Variants in SLC35F4 observed in about 807,000 individuals in gnomAD.
SLC35F4 encodes the protein solute carrier family 35 member F4, also known as chromosome 14 open reading frame 36.
A neutral mutation model predicts 44.2 loss-of-function variants in SLC35F4; 24 were observed. The observed-to-expected ratio is 0.54, with a 90% CI of 0.39 to 0.76. The LOEUF is 0.76. Ranked by LOEUF, SLC35F4 falls within the 30% of genes least tolerant of loss-of-function variation. The pLI, the probability that SLC35F4 is intolerant of heterozygous loss-of-function variation, is 0.00. For synonymous variants in SLC35F4, 238 were observed against 223.6 expected (o/e 1.06, Z -0.57); for missense variants, 562 against 586.1 (o/e 0.96, Z 0.42).
intron 1 of SLC35F4, among the ~76,000 whole-genome samples, chr14:57,979,951 A>G (rs1028459): frequency 0.46 from 70,611 of 152,094 alleles, 17,785 homozygotes; most frequent in African/African-American, 0.69. Flanking sequence ...GCTTTTTCCA[A>G]AAAGTTGGCT....
chr14:57,614,178 CATAAAAT>C (rs1032449836), intron 1 of SLC35F4, among the ~76,000 whole-genome samples: 1 of 151,848 alleles, frequency 6.6e-6, no homozygotes, highest in Non-Finnish European at 1.5e-5. Context: ...TGGGGAAACA[CATAAAAT>C]AAAATCAGTC....
At chr14:57,672,072 A>C (rs955863739) in intron 1 of SLC35F4, among the ~76,000 whole-genome samples, 6 of 152,130 alleles carry the variant, frequency 3.9e-5, no homozygotes, top group Admixed American at 1.3e-4. Context: ...GGCTTCAGAC[A>C]TGTGGAGTTT....
chr14:57,865,836 G>A lies in SLC35F4; in HGVS notation c.-11C>T. On this transcript the variant is annotated 5_prime_UTR_variant, in exon 1 of 8. Coordinates refer to ENST00000556826, the MANE Select transcript of SLC35F4 (RefSeq NM_001306087.2). The stretch of plus-strand genomic sequence containing the variant: ...CGCCTTGACATCCATAGAGAGCGCG[G>A]GGCGACGGCCCCGAGTGCGGCGGGG... 1 of 1,497,568 alleles carries A rather than the reference G, an allele frequency of 6.7e-7. No individual in the cohort carries two copies. Among genetic ancestry groups the A allele is most frequent in the South Asian group, 1.3e-5 (1 of 79,868 alleles). 92.8% of individuals were successfully genotyped at this position (1,497,568 alleles called of 1,614,324 possible).
At chr14:57,930,472 T>C (rs758258324) in intron 1 of SLC35F4, among the ~76,000 whole-genome samples, 11 of 152,150 alleles carry the variant, frequency 7.2e-5, no homozygotes, top group South Asian at 2.1e-4. Context: ...CCAGGCATCA[T>C]CCAGATTTTT....
intron 1 of SLC35F4, among the ~76,000 whole-genome samples, chr14:57,857,303 A>G (rs552928354): frequency 2.6e-5 from 4 of 152,008 alleles, no homozygotes; most frequent in African/African-American, 9.7e-5. Flanking sequence ...CTTTTCCCCC[A>G]TTGAAGCACA....
chr14:57,846,691 C>T (rs1480699571), intron 1 of SLC35F4, among the ~76,000 whole-genome samples: 2 of 152,144 alleles, frequency 1.3e-5, no homozygotes, highest in Non-Finnish European at 2.9e-5. Context: ...ATTAATATGG[C>T]TGATGGGAAA....
intron 1 of SLC35F4, among the ~76,000 whole-genome samples, chr14:57,637,149 G>T (rs901482909): frequency 1.3e-5 from 2 of 152,090 alleles, no homozygotes; most frequent in Non-Finnish European, 2.9e-5. Flanking sequence ...GGAAACCAAG[G>T]CTTAGAGTGG....
chr14:57,664,931 A>T (rs1014732513), intron 1 of SLC35F4, among the ~76,000 whole-genome samples: 5 of 152,126 alleles, frequency 3.3e-5, no homozygotes, highest in Non-Finnish European at 5.9e-5. Context: ...ATGAGAGTAA[A>T]AAGTGACTTT....
chr14:57,605,682 A>G (rs1011029932), intron 1 of SLC35F4, among the ~76,000 whole-genome samples: 8 of 152,152 alleles, frequency 5.3e-5, no homozygotes, highest in African/African-American at 1.9e-4. Context: ...ACTATTTACA[A>G]TTGTAAAGAC....
At chr14:57,761,780 A>G (rs552550838) in intron 1 of SLC35F4, among the ~76,000 whole-genome samples, 1 of 152,294 alleles carries the variant, frequency 6.6e-6, no homozygotes, top group African/African-American at 2.4e-5. Flanking sequence ...GAAGGGAACT[A>G]TTTTAGCAGG....
intron 1 of SLC35F4, among the ~76,000 whole-genome samples, chr14:57,815,268 C>T (rs1024692343): frequency 9.9e-5 from 15 of 152,182 alleles, no homozygotes; most frequent in Admixed American, 5.9e-4. Context: ...GCTAAGACAT[C>T]TCAAATTAAT....
intron 1 of SLC35F4, among the ~76,000 whole-genome samples, chr14:57,944,768 A>C (rs1028476622): frequency 6.6e-6 from 1 of 151,712 alleles, no homozygotes; most frequent in Non-Finnish European, 1.5e-5. Context: ...GGAAGAAAGA[A>C]AAGAAAAGAA....
chr14:57,651,997 C>T (rs1177495513), intron 1 of SLC35F4, among the ~76,000 whole-genome samples: 1 of 152,078 alleles, frequency 6.6e-6, no homozygotes, highest in African/African-American at 2.4e-5. Flanking sequence ...AGGACTGACC[C>T]ACTGGATCAT....
chr14:57,893,801 C>T (rs1481776045), intron 1 of SLC35F4, among the ~76,000 whole-genome samples: 1 of 151,044 alleles, frequency 6.6e-6, no homozygotes, highest in African/African-American at 2.4e-5. Context: ...CTAACAGGAC[C>T]CTTCTCTCCA....
intron 1 of SLC35F4, among the ~76,000 whole-genome samples, chr14:57,689,766 T>A (rs2075173199): frequency 6.6e-6 from 1 of 150,708 alleles, no homozygotes; most frequent in South Asian, 2.1e-4. Context: ...AGGGATAGCA[T>A]TAGGAGATAT....
At chr14:57,960,968 T>C (rs1218099508) in intron 1 of SLC35F4, among the ~76,000 whole-genome samples, 3 of 152,054 alleles carry the variant, frequency 2.0e-5, no homozygotes, top group South Asian at 4.1e-4. Flanking sequence ...CCTGAACACA[T>C]GTGAAGAGTG....
intron 1 of SLC35F4, among the ~76,000 whole-genome samples, chr14:57,772,861 G>C (rs2077401032): frequency 6.6e-6 from 1 of 152,058 alleles, no homozygotes; most frequent in African/African-American, 2.4e-5. Flanking sequence ...TTTTCCCTTA[G>C]GTAGATAACC....
At chr14:57,707,650 T>C (rs1566782844) in intron 1 of SLC35F4, among the ~76,000 whole-genome samples, 2 of 152,138 alleles carry the variant, frequency 1.3e-5, no homozygotes, top group African/African-American at 2.4e-5. Flanking sequence ...TAGTGGGACA[T>C]TGGTAGAAGA....
At chr14:57,828,199 C>G (rs1315141789) in intron 1 of SLC35F4, among the ~76,000 whole-genome samples, 3 of 152,062 alleles carry the variant, frequency 2.0e-5, no homozygotes, top group Admixed American at 6.6e-5. Flanking sequence ...TTTATTTAAA[C>G]AAAAAAACCA....
Sources: allele counts gnomAD v4.1 joint callset (sites outside exome capture counted in the v4.1 genomes callset), GRCh38; gene constraint gnomAD v4.1.1; transcripts MANE v1.5; gene names NCBI Gene and HGNC (gene_info 2026-07-23, HGNC 2026-07-21).